The following ADAM10 variants were observed in gnomAD, a reference collection of about 807,000 sequenced individuals.
The protein encoded by ADAM10 is disintegrin and metalloproteinase domain-containing protein 10.
In ADAM10, 17 loss-of-function variants were observed where a neutral mutation model predicts 90.1. The observed-to-expected ratio is 0.19, with a 90% CI of 0.13 to 0.28. The LOEUF is 0.28. Among genes scored for constraint, ADAM10 ranks in the 10% least tolerant of loss-of-function variants. The probability of loss-of-function intolerance (pLI) is 1.00; values close to 1 mark genes in which losing one functional copy is unlikely to be tolerated. For missense variants in ADAM10, 610 were observed against 914.3 expected (o/e 0.67, Z 4.29); for synonymous variants, 310 against 298.6 (o/e 1.04, Z -0.40).
chr15:58,735,256 C>T (rs558315981), intron 1 of ADAM10, among the ~76,000 whole-genome samples: 19 of 152,310 alleles, frequency 1.2e-4, no homozygotes, highest in African/African-American at 4.1e-4. Flanking sequence ...CCTACTCTAT[C>T]CTGATCCTTA....
rs182462582 is a variant in ADAM10, at chr15:58,601,290, C to T, written c.2026-1566G>A. ...TAGCCAGGCCCACATGGTGAAACCCCGTCTCTACTAAAAATACAAAAATTA... is the reference window on the plus strand; with the variant it reads ...TAGCCAGGCCCACATGGTGAAACCCTGTCTCTACTAAAAATACAAAAATTA... On this transcript the variant is annotated intron_variant, in intron 14 of 15. Coordinates refer to ENST00000260408, the MANE Select transcript of ADAM10 (RefSeq NM_001110.4). 3.2e-4 allele frequency among the ~76,000 whole-genome samples: 49 copies of T among 152,036 alleles called. 1 individual carries two copies. The East Asian group carries it at 7.7e-3, about 24-fold the overall frequency.
chr15:58,705,110 T>G (rs1004567155), intron 2 of ADAM10, among the ~76,000 whole-genome samples: 7 of 152,220 alleles, frequency 4.6e-5, no homozygotes, highest in African/African-American at 1.4e-4. Context: ...TCTTTGATTT[T>G]TAATGCTTGA....
chr15:58,740,533 T>C (rs185391403), intron 1 of ADAM10, among the ~76,000 whole-genome samples: 51 of 152,368 alleles, frequency 3.3e-4, no homozygotes, highest in African/African-American at 1.1e-3. Context: ...TGCATACTTA[T>C]GCGTTTTAAC....
intron 2 of ADAM10, among the ~76,000 whole-genome samples, chr15:58,711,102 GTT>G (rs1898458630): frequency 6.6e-6 from 1 of 152,050 alleles, no homozygotes; most frequent in Non-Finnish European, 1.5e-5. Flanking sequence ...GTTTTAAACA[GTT>G]TGGAAATTTA....
At chr15:58,610,896 A>C in intron 13 of ADAM10, 103 bp downstream of exon 13, 1 of 885,154 alleles carries the variant, frequency 1.1e-6, no homozygotes, top group Non-Finnish European at 1.9e-6. Flanking sequence ...ATTTAGCTGG[A>C]AATTATCTGG....
chr15:58,623,175 T>C (rs1379194174), intron 10 of ADAM10, among the ~76,000 whole-genome samples: 2 of 152,230 alleles, frequency 1.3e-5, no homozygotes, highest in Admixed American at 6.5e-5. Flanking sequence ...GATAATTATT[T>C]CTTTATGGTA....
At chr15:58,749,409 T>G in intron 1 of ADAM10, 71 bp downstream of exon 1, 2 of 1,413,504 alleles carry the variant, frequency 1.4e-6, no homozygotes, top group Non-Finnish European at 1.9e-6. Flanking sequence ...GAGGCGCGAC[T>G]GGGCTCCGCT....
At chr15:58,679,006 G>C in intron 4 of ADAM10, 118 bp downstream of exon 4, 2 of 1,030,182 alleles carry the variant, frequency 1.9e-6, no homozygotes. Flanking sequence ...TAAAAACTAT[G>C]TTCTAGCCTG....
At chr15:58,697,436 C>G (rs1307859107) in intron 2 of ADAM10, among the ~76,000 whole-genome samples, 2 of 152,146 alleles carry the variant, frequency 1.3e-5, no homozygotes, top group South Asian at 2.1e-4. Context: ...ACTAGTGGGC[C>G]TGAGGACAGG....
At chr15:58,621,354 C>A in intron 11 of ADAM10, 117 bp downstream of exon 11, 2 of 1,158,188 alleles carry the variant, frequency 1.7e-6, no homozygotes, top group Non-Finnish European at 2.5e-6. Context: ...AAACAAACAA[C>A]AGATAAAAGC....
intron 2 of ADAM10, among the ~76,000 whole-genome samples, chr15:58,710,733 T>C (rs1378471545): frequency 6.6e-6 from 1 of 152,226 alleles, no homozygotes; most frequent in African/African-American, 2.4e-5. Context: ...TAAATTTTTG[T>C]TTTTAAACAT....
At chr15:58,597,760 C>A in intron 15 of ADAM10, 119 bp from the exon 16 acceptor site, 1 of 987,826 alleles carries the variant, frequency 1.0e-6, no homozygotes, top group Non-Finnish European at 1.4e-6. Flanking sequence ...ATAATATGGG[C>A]CATCAATGTA....
intron 10 of ADAM10, among the ~76,000 whole-genome samples, chr15:58,624,485 G>C (rs1030752154): frequency 6.6e-6 from 1 of 152,038 alleles, no homozygotes; most frequent in African/African-American, 2.4e-5. Flanking sequence ...TATAAAATTA[G>C]TACTTCAAGT....
In ADAM10 at chr15:58,679,224, G is replaced by C. The variant is rs1566991554; in HGVS notation, c.384C>G (p.Ile128Met). 1.2e-6 allele frequency: 2 copies of C among 1,614,024 alleles called. No homozygotes were observed. Among genetic ancestry groups the C allele is most frequent in the Non-Finnish European group, 1.7e-6 (2 of 1,179,990 alleles). ...CATAAAATGTGCCACCACGAGTCTG[G>C]ATGAATCCTTCAAATCTTCCATCAA... ...SVIDGRFEGFIQTRGGTFYVE... is the reference protein window; with the variant it reads ...SVIDGRFEGFMQTRGGTFYVE... The change falls in exon 4 of 16, where the codon ATC becomes ATG. Residue 128 changes from isoleucine to methionine, a missense_variant. Ile to Met is a conservative substitution (Grantham distance 10, BLOSUM62 1). Around this residue, in one of 4 missense-constraint regions of ADAM10, gnomAD observed 310 missense variants for 362.4 expected, o/e 0.86. Coordinates refer to ENST00000260408, the MANE Select transcript of ADAM10 (RefSeq NM_001110.4).
intron 5 of ADAM10, among the ~76,000 whole-genome samples, chr15:58,662,716 C>T (rs1896998360): frequency 6.6e-6 from 1 of 152,120 alleles, no homozygotes; most frequent in African/African-American, 2.4e-5. Flanking sequence ...ATGGTTTTCT[C>T]AAAGAATTTC....
At chr15:58,620,545 T>C (rs1266403370) in intron 11 of ADAM10, among the ~76,000 whole-genome samples, 3 of 152,090 alleles carry the variant, frequency 2.0e-5, no homozygotes, top group African/African-American at 7.2e-5. Flanking sequence ...GAAATAGTTA[T>C]AACTTGCCAA....
At chr15:58,683,224 C>G (rs1204327862) in intron 2 of ADAM10, among the ~76,000 whole-genome samples, 5 of 152,080 alleles carry the variant, frequency 3.3e-5, no homozygotes, top group African/African-American at 1.2e-4. Context: ...TAATTGTGAA[C>G]ATAATAGAAT....
intron 2 of ADAM10, among the ~76,000 whole-genome samples, chr15:58,712,414 C>T (rs1898503478): frequency 6.6e-6 from 1 of 151,570 alleles, no homozygotes; most frequent in African/African-American, 2.4e-5. Context: ...GTCCCAGCTA[C>T]TCAGGAGGCT....
chr15:58,742,373 C>T (rs77961397), intron 1 of ADAM10, among the ~76,000 whole-genome samples: 6 of 152,280 alleles, frequency 3.9e-5, no homozygotes, highest in African/African-American at 7.2e-5. Context: ...TTCTACTGCA[C>T]GTGTATCACT....
Sources: gnomAD v4.1 joint callset for allele counts (sites outside exome capture counted in the v4.1 genomes callset) on GRCh38, gnomAD v4.1.1 for gene constraint, gnomAD v4.1.1 regional missense constraint, MANE v1.5 for transcripts, NCBI Gene and HGNC (gene_info 2026-07-23, HGNC 2026-07-21) for gene names.